Variants in ROCK1 observed in about 807,000 individuals in gnomAD.
The protein encoded by ROCK1 is Rho associated coiled-coil containing protein kinase 1, also known as rho-associated protein kinase 1.
Under a neutral mutation model 196.8 loss-of-function variants are expected in ROCK1, and 36 were observed. The observed-to-expected ratio is 0.18, with a 90% CI of 0.14 to 0.24. The LOEUF (loss-of-function observed/expected upper bound fraction) is 0.24. Among genes scored for constraint, ROCK1 ranks in the 10% least tolerant of loss-of-function variants. ROCK1 has a pLI of 1.00. For missense variants in ROCK1, 920 were observed against 1,562.0 expected (o/e 0.59, Z 6.93); for synonymous variants, 443 against 515.9 (o/e 0.86, Z 1.91).
chr18:21,066,586 C>G (rs2036336654), intron 2 of ROCK1, among the ~76,000 whole-genome samples: 1 of 152,188 alleles, frequency 6.6e-6, no homozygotes, highest in Non-Finnish European at 1.5e-5. Flanking sequence ...TCCAAGGTTT[C>G]TTCATACCCT....
intron 1 of ROCK1, among the ~76,000 whole-genome samples, chr18:21,085,467 A>T (rs2143576502): frequency 6.6e-6 from 1 of 152,178 alleles, no homozygotes; most frequent in Non-Finnish European, 1.5e-5. Context: ...TATGGTTGGT[A>T]GAAAAATTAA....
At chr18:20,984,003 G>C (rs1040652359) in intron 20 of ROCK1, among the ~76,000 whole-genome samples, 1 of 152,114 alleles carries the variant, frequency 6.6e-6, no homozygotes, top group Non-Finnish European at 1.5e-5. Flanking sequence ...TTTGCATTTT[G>C]AGATGAACCA....
At chr18:20,962,062 G>C (rs1471753726) in intron 27 of ROCK1, among the ~76,000 whole-genome samples, 1 of 151,988 alleles carries the variant, frequency 6.6e-6, no homozygotes, top group Admixed American at 6.6e-5. Context: ...CAACGAGGTG[G>C]TACTTGACAG....
intron 8 of ROCK1, among the ~76,000 whole-genome samples, chr18:21,040,894 G>A (rs1219856313): frequency 7.2e-5 from 11 of 152,134 alleles, no homozygotes; most frequent in South Asian, 6.2e-4. Flanking sequence ...GGAGGCCAAC[G>A]CAGGCAGATC....
intron 9 of ROCK1, among the ~76,000 whole-genome samples, 158 bp downstream of exon 9, chr18:21,039,314 A>G (rs1296840757): frequency 1.3e-5 from 2 of 152,162 alleles, no homozygotes; most frequent in East Asian, 3.9e-4. Context: ...TAATCTGCCC[A>G]ATATTATCAA....
At chr18:20,973,087 C>G (rs901343697) in intron 22 of ROCK1, among the ~76,000 whole-genome samples, 7 of 152,026 alleles carry the variant, frequency 4.6e-5, no homozygotes, top group Admixed American at 3.9e-4. Context: ...CCATGTTGGT[C>G]AGGCTGGTCT....
At chr18:20,984,882 G>A (rs2035564353) in intron 19 of ROCK1, among the ~76,000 whole-genome samples, 2 of 152,120 alleles carry the variant, frequency 1.3e-5, no homozygotes, top group South Asian at 4.2e-4. Context: ...GGGAGGCTGA[G>A]GCAGGTGGAT....
Position 20,984,537 on chromosome 18 carries a change from TATGA to T in ROCK1, c.2305-6_2305-3del. ...CAGTTGCAGGGTTAGATTCTTAACC[TATGA>T]ATGAGAAAAATAATTGGGATCTTAA... On this transcript the variant is annotated splice_region_variant and splice_polypyrimidine_tract_variant and intron_variant, in intron 19 of 32. Coordinates refer to ENST00000399799, the MANE Select transcript of ROCK1 (RefSeq NM_005406.3). The T allele has an allele frequency of 1.3e-6, 2 of 1,582,126 alleles. No homozygotes were observed. Among genetic ancestry groups the T allele is most frequent in the South Asian group, 2.3e-5 (2 of 85,660 alleles).
intron 1 of ROCK1, among the ~76,000 whole-genome samples, chr18:21,107,730 C>A (rs1366526374): frequency 6.6e-6 from 1 of 152,094 alleles, no homozygotes; most frequent in African/African-American, 2.4e-5. Context: ...TACTACAAAC[C>A]CAGAAAAAGG....
intron 18 of ROCK1, among the ~76,000 whole-genome samples, chr18:20,989,921 G>A (rs2035608682): frequency 6.6e-6 from 1 of 151,982 alleles, no homozygotes; most frequent in East Asian, 1.9e-4. Context: ...AAAAATCTGG[G>A]AGAAGAAACT....
chr18:20,967,114 A>G (rs1169406279), intron 26 of ROCK1, 38 bp from the exon 27 acceptor site: 1 of 1,411,706 alleles, frequency 7.1e-7, no homozygotes, highest in Admixed American at 1.9e-5. Context: ...TAATCAAGCT[A>G]AAACAATTTC....
At chr18:21,015,312 T>C in intron 13 of ROCK1, 119 bp downstream of exon 13, 1 of 723,928 alleles carries the variant, frequency 1.4e-6, no homozygotes. Flanking sequence ...TCATCACAAT[T>C]CTCTGCTCTG....
chr18:21,093,565 G>A (rs1160735426), intron 1 of ROCK1, among the ~76,000 whole-genome samples: 1 of 152,000 alleles, frequency 6.6e-6, no homozygotes, highest in Non-Finnish European at 1.5e-5. Flanking sequence ...GTACACCTAC[G>A]GCACTGTCTG....
intron 9 of ROCK1, among the ~76,000 whole-genome samples, chr18:21,033,588 A>G (rs781057358): frequency 6.6e-6 from 1 of 152,086 alleles, no homozygotes; most frequent in Non-Finnish European, 1.5e-5. Flanking sequence ...ACCCTAAAGG[A>G]GCTACAAAAG....
chr18:21,043,697 C>A (rs909166375), intron 6 of ROCK1, among the ~76,000 whole-genome samples: 6 of 150,950 alleles, frequency 4.0e-5, no homozygotes, highest in African/African-American at 1.2e-4. Context: ...GCAGTAAAAT[C>A]TTTTATATGT....
intron 2 of ROCK1, among the ~76,000 whole-genome samples, chr18:21,061,693 T>C (rs1172685435): frequency 6.6e-6 from 1 of 152,190 alleles, no homozygotes; most frequent in Non-Finnish European, 1.5e-5. Flanking sequence ...CAAGATGACA[T>C]GCCCTCATTG....
chr18:20,970,247 G>T, intron 23 of ROCK1, 101 bp downstream of exon 23: 2 of 794,920 alleles, frequency 2.5e-6, no homozygotes, highest in Non-Finnish European at 4.0e-6. Context: ...TATTAACATA[G>T]AAGTAAATAC....
At chr18:21,104,382 G>A (rs1234608746) in intron 1 of ROCK1, among the ~76,000 whole-genome samples, 1 of 152,256 alleles carries the variant, frequency 6.6e-6, no homozygotes, top group East Asian at 1.9e-4. Context: ...CGGATCACGA[G>A]GCCAGGAGAT....
chr18:21,073,918 C>T (rs1277699409), intron 1 of ROCK1, among the ~76,000 whole-genome samples: 1 of 152,020 alleles, frequency 6.6e-6, no homozygotes, highest in Non-Finnish European at 1.5e-5. Context: ...TTTGGGAGAT[C>T]GAGACAGGAG....
Sources: gnomAD v4.1 joint callset for allele counts (sites outside exome capture counted in the v4.1 genomes callset) on GRCh38, gnomAD v4.1.1 for gene constraint, MANE v1.5 for transcripts, NCBI Gene and HGNC (gene_info 2026-07-23, HGNC 2026-07-21) for gene names.